Variants in TSHZ2 observed in about 807,000 individuals in gnomAD.
The protein encoded by TSHZ2 is teashirt zinc finger homeobox 2, also known as teashirt homolog 2.
Under a neutral mutation model 74.4 loss-of-function variants are expected in TSHZ2, and 21 were observed. That is an observed-to-expected ratio of 0.28 (90% CI 0.20 to 0.41). The LOEUF (loss-of-function observed/expected upper bound fraction) is 0.41, where lower values mean the gene tolerates loss of function less well. Among genes scored for constraint, TSHZ2 ranks in the 10% least tolerant of loss-of-function variants. The pLI is 1.00. For synonymous variants in TSHZ2, 540 were observed against 515.3 expected, an observed-to-expected ratio of 1.05 and a Z score of -0.65; for missense variants, 1,244 against 1,293.5, an observed-to-expected ratio of 0.96 and a Z score of 0.59.
At chr20:53,090,832 ATTCT>A (rs1985863070) in intron 1 of TSHZ2, among the ~76,000 whole-genome samples, 1 of 152,196 alleles carries the variant, frequency 6.6e-6, no homozygotes, top group Non-Finnish European at 1.5e-5. Context: ...GCCTGTGTGG[ATTCT>A]TTCTTCAATT....
At chr20:53,271,292 C>T (rs73911245) in intron 2 of TSHZ2, among the ~76,000 whole-genome samples, 7,074 of 152,230 alleles carry the variant, frequency 0.046, 392 homozygotes, top group African/African-American at 0.13. Flanking sequence ...CACACCACTT[C>T]TTTGAACCTC....
chr20:52,975,059 C>T lies in TSHZ2; in HGVS notation c.40+1726C>T, dbSNP rs75403218. ...CACTGATTTCCTAAAACTTAGGCTG[C>T]TTTGCAATCTGACAGCGTGTGGATG... On this transcript the variant is annotated intron_variant, in intron 1 of 2. Coordinates refer to ENST00000371497, the MANE Select transcript of TSHZ2 (RefSeq NM_173485.6). Among the ~76,000 whole-genome samples the T allele has an allele frequency of 2.6e-3, 397 of 152,228 alleles. 3 individuals are homozygous for T. The East Asian group carries it at 0.037, about 14-fold the overall frequency.
intron 2 of TSHZ2, among the ~76,000 whole-genome samples, chr20:53,405,671 CAA>C (rs1982825280): frequency 6.6e-6 from 1 of 152,014 alleles, no homozygotes; most frequent in Non-Finnish European, 1.5e-5. Flanking sequence ...TGATGAGAGA[CAA>C]GAGGAAAAGA....
At chr20:53,230,049 G>T (rs1214047873) in intron 1 of TSHZ2, among the ~76,000 whole-genome samples, 15 of 146,286 alleles carry the variant, frequency 1.0e-4, no homozygotes, top group Non-Finnish European at 2.3e-4. Flanking sequence ...AGAAGGAAGG[G>T]AGGGAGGGAG....
chr20:53,119,731 T>C (rs1409374179), intron 1 of TSHZ2, among the ~76,000 whole-genome samples: 1 of 152,258 alleles, frequency 6.6e-6, no homozygotes, highest in Non-Finnish European at 1.5e-5. Flanking sequence ...TAATTTTGCT[T>C]GTTTAATGTG....
At chr20:53,239,157 G>A (rs1990009195) in intron 1 of TSHZ2, among the ~76,000 whole-genome samples, 1 of 152,208 alleles carries the variant, frequency 6.6e-6, no homozygotes, top group Non-Finnish European at 1.5e-5. Context: ...CTAGATGCCA[G>A]TAGCACCTTG....
At chr20:53,206,266 C>T (rs370266960) in intron 1 of TSHZ2, among the ~76,000 whole-genome samples, 1 of 152,268 alleles carries the variant, frequency 6.6e-6, no homozygotes, top group Admixed American at 6.5e-5. Flanking sequence ...ACATAGCAGT[C>T]ACCACATATG....
intron 1 of TSHZ2, among the ~76,000 whole-genome samples, chr20:53,043,643 A>C (rs1476009639): frequency 6.6e-6 from 1 of 152,192 alleles, no homozygotes; most frequent in Non-Finnish European, 1.5e-5. Flanking sequence ...CACAACTTTA[A>C]TACTTTGGCC....
chr20:53,180,535 T>C (rs1289477417), intron 1 of TSHZ2, among the ~76,000 whole-genome samples: 1 of 152,260 alleles, frequency 6.6e-6, no homozygotes, highest in East Asian at 1.9e-4. Flanking sequence ...CTTCCTGATT[T>C]TGGTTCAGTC....
At chr20:53,149,683 T>C (rs923332093) in intron 1 of TSHZ2, among the ~76,000 whole-genome samples, 3 of 152,204 alleles carry the variant, frequency 2.0e-5, no homozygotes, top group African/African-American at 7.2e-5. Context: ...GAGACAGACT[T>C]GGTACTATAC....
At chr20:53,038,864 TTTTTTG>T (rs1983923185) in intron 1 of TSHZ2, among the ~76,000 whole-genome samples, 1 of 138,644 alleles carries the variant, frequency 7.2e-6, no homozygotes, top group African/African-American at 2.8e-5. Flanking sequence ...TTCTTGTTTT[TTTTTTG>T]TTTGTTTGTT....
chr20:53,052,936 T>G (rs1189679255), intron 1 of TSHZ2, among the ~76,000 whole-genome samples: 2 of 152,216 alleles, frequency 1.3e-5, no homozygotes, highest in African/African-American at 2.4e-5. Context: ...CAACAGTGTT[T>G]CGCATGTTCA....
chr20:53,091,170 T>C (rs889441387), intron 1 of TSHZ2, among the ~76,000 whole-genome samples: 1 of 152,260 alleles, frequency 6.6e-6, no homozygotes, highest in Non-Finnish European at 1.5e-5. Context: ...GTAGCTATTA[T>C]CGCTAGATTG....
chr20:53,413,869 ATATTAAT>A (rs1983142072), intron 2 of TSHZ2, among the ~76,000 whole-genome samples: 1 of 152,202 alleles, frequency 6.6e-6, no homozygotes, highest in Non-Finnish European at 1.5e-5. Flanking sequence ...CTTAAAAATA[ATATTAAT>A]ATAGCCAGTA....
intron 2 of TSHZ2, among the ~76,000 whole-genome samples, chr20:53,268,393 A>C (rs1990761543): frequency 6.6e-6 from 1 of 152,188 alleles, no homozygotes; most frequent in African/African-American, 2.4e-5. Context: ...TGATCTACAA[A>C]TCCAGACATG....
At chr20:53,030,796 G>A (rs1012284618) in intron 1 of TSHZ2, among the ~76,000 whole-genome samples, 53 of 152,266 alleles carry the variant, frequency 3.5e-4, no homozygotes, top group African/African-American at 1.1e-3. Flanking sequence ...ATAGAGATGC[G>A]TAATGTAAAC....
intron 2 of TSHZ2, among the ~76,000 whole-genome samples, chr20:53,414,434 A>C (rs1983164395): frequency 6.6e-6 from 1 of 152,156 alleles, no homozygotes; most frequent in Non-Finnish European, 1.5e-5. Flanking sequence ...AGCCTAGACA[A>C]TATAGCCAGA....
intron 1 of TSHZ2, among the ~76,000 whole-genome samples, chr20:52,999,838 C>A (rs1982347084): frequency 6.6e-6 from 1 of 152,062 alleles, no homozygotes; most frequent in African/African-American, 2.4e-5. Context: ...TGCTGTATAC[C>A]CCAACCATGT....
intron 2 of TSHZ2, among the ~76,000 whole-genome samples, chr20:53,453,924 G>A (rs1175804313): frequency 1.3e-5 from 2 of 152,134 alleles, no homozygotes; most frequent in African/African-American, 4.8e-5. Context: ...TAGAATGGTG[G>A]CTCTGAACTC....
Sources: gnomAD v4.1 joint callset for allele counts (sites outside exome capture counted in the v4.1 genomes callset) on GRCh38, gnomAD v4.1.1 for gene constraint, MANE v1.5 for transcripts, NCBI Gene and HGNC (gene_info 2026-07-23, HGNC 2026-07-21) for gene names.